SLC24A2: variants seen among roughly 807,000 people sequenced by gnomAD.
SLC24A2 encodes solute carrier family 24 member 2.
SLC24A2 carries 36 observed loss-of-function variants against 62.0 expected under a neutral mutation model. That is an observed-to-expected ratio of 0.58 (90% confidence interval 0.44 to 0.77). The LOEUF is 0.77. Ranked by LOEUF, SLC24A2 falls within the 30% of genes least tolerant of loss-of-function variation. SLC24A2 has a pLI of 0.00. For synonymous variants in SLC24A2, 358 were observed against 294.0 expected (o/e 1.22, Z -2.23); for missense variants, 846 against 817.9 (o/e 1.03, Z -0.42).
At chr9:19,521,872 T>A (rs1833217770) in intron 9 of SLC24A2, among the ~76,000 whole-genome samples, 1 of 150,488 alleles carries the variant, frequency 6.6e-6, no homozygotes, top group Non-Finnish European at 1.5e-5. Context: ...TTCTTTTTTT[T>A]TCTTTTTTTT....
chr9:20,051,027 A>C, the SLC24A2 span, among the ~76,000 whole-genome samples: 1 of 152,192 alleles, frequency 6.6e-6, no homozygotes, highest in Non-Finnish European at 1.5e-5. Flanking sequence ...TGGTAGATCT[A>C]AGCCCAAATA....
At chr9:19,550,040 C>T in intron 8 of SLC24A2, 97 bp downstream of exon 8, 5 of 1,264,114 alleles carry the variant, frequency 4.0e-6, no homozygotes, top group Non-Finnish European at 5.8e-6. Flanking sequence ...TACAAGTGTA[C>T]TTCCTTTTTC....
chr9:19,698,843 C>A (rs1012053223), intron 2 of SLC24A2, among the ~76,000 whole-genome samples: 1 of 152,202 alleles, frequency 6.6e-6, no homozygotes, highest in African/African-American at 2.4e-5. Flanking sequence ...TGTACCACTG[C>A]TCTAGCACTT....
At chr9:19,680,883 G>GTGTGTGTGTGTGTGTGTGTGTT (rs1368716991) in intron 2 of SLC24A2, among the ~76,000 whole-genome samples, 2 of 147,588 alleles carry the variant, frequency 1.4e-5, no homozygotes, top group East Asian at 3.9e-4. Flanking sequence ...GTGTGTGTGT[G>GTGTGTGTGTGTGTGTGTGTGTT]TGTCACAATG....
chr9:20,167,502 G>C, the SLC24A2 span, among the ~76,000 whole-genome samples: 1 of 151,904 alleles, frequency 6.6e-6, no homozygotes, highest in Non-Finnish European at 1.5e-5. Flanking sequence ...GATATAGGTA[G>C]GCAGATAAAG....
the SLC24A2 span, among the ~76,000 whole-genome samples, chr9:20,160,066 T>C: frequency 6.6e-6 from 1 of 151,214 alleles, no homozygotes; most frequent in Non-Finnish European, 1.5e-5. Context: ...AAAACAGTAA[T>C]TCATAAAGGG....
chr9:20,080,796 C>T, the SLC24A2 span, among the ~76,000 whole-genome samples: 1 of 152,012 alleles, frequency 6.6e-6, no homozygotes, highest in African/African-American at 2.4e-5. Context: ...AAACAAACAA[C>T]CCCATCAAAA....
intron 2 of SLC24A2, among the ~76,000 whole-genome samples, chr9:19,676,882 A>G (rs1010911794): frequency 2.6e-5 from 4 of 152,248 alleles, no homozygotes; most frequent in Non-Finnish European, 5.9e-5. Flanking sequence ...TCAAAGAGAT[A>G]CCATCTCACA....
At chr9:20,220,366 A>G in the SLC24A2 span, among the ~76,000 whole-genome samples, 3 of 152,074 alleles carry the variant, frequency 2.0e-5, no homozygotes, top group Admixed American at 6.6e-5. Context: ...CCCCGTGCTG[A>G]CTCCAAACAG....
chr9:19,993,819 T>C, the SLC24A2 span, among the ~76,000 whole-genome samples: 1 of 152,190 alleles, frequency 6.6e-6, no homozygotes, highest in Non-Finnish European at 1.5e-5. Context: ...TTACCACTAG[T>C]AACAGAGCCT....
chr9:20,199,027 G>A, the SLC24A2 span, among the ~76,000 whole-genome samples: 1 of 152,204 alleles, frequency 6.6e-6, no homozygotes, highest in Non-Finnish European at 1.5e-5. Flanking sequence ...AAAAGAAACA[G>A]AAGGTAGACT....
chr9:19,910,820 G>C, the SLC24A2 span, among the ~76,000 whole-genome samples: 1 of 151,702 alleles, frequency 6.6e-6, no homozygotes, highest in South Asian at 2.1e-4. Flanking sequence ...TCCTCTATGC[G>C]TCCATAGTAG....
intron 8 of SLC24A2, among the ~76,000 whole-genome samples, chr9:19,536,267 T>C (rs1328200454): frequency 1.3e-5 from 2 of 151,128 alleles, no homozygotes; most frequent in African/African-American, 4.9e-5. Context: ...TAGTTACATA[T>C]GTATACATGT....
chr9:19,813,117 T>C, the SLC24A2 span, among the ~76,000 whole-genome samples: 1 of 152,142 alleles, frequency 6.6e-6, no homozygotes, highest in Non-Finnish European at 1.5e-5. Flanking sequence ...CTCAGAGTTT[T>C]TGGCCCAGGA....
At chr9:19,827,618 C>A in the SLC24A2 span, among the ~76,000 whole-genome samples, 4 of 151,992 alleles carry the variant, frequency 2.6e-5, no homozygotes, top group East Asian at 7.7e-4. Context: ...TTTAATGTGG[C>A]ATCTCTGTGT....
At chr9:19,614,791 G>T (rs1587040178) in intron 4 of SLC24A2, among the ~76,000 whole-genome samples, 2 of 152,160 alleles carry the variant, frequency 1.3e-5, no homozygotes, top group South Asian at 4.2e-4. Context: ...AGGGGACCCA[G>T]TTGAGCCCAG....
At chr9:19,628,880 A>G (rs1303457853) in intron 2 of SLC24A2, among the ~76,000 whole-genome samples, 1 of 152,226 alleles carries the variant, frequency 6.6e-6, no homozygotes, top group African/African-American at 2.4e-5. Context: ...GTGTTGGGCT[A>G]CATTCAAAGC....
At chr9:19,928,551 C>G in the SLC24A2 span, 1 of 152,136 alleles carries the variant, frequency 6.6e-6, no homozygotes, top group Admixed American at 6.5e-5. Flanking sequence ...CCTGTCTAGC[C>G]CAACGTTTTT....
the SLC24A2 span, among the ~76,000 whole-genome samples, chr9:19,872,871 A>G: frequency 6.6e-6 from 1 of 152,138 alleles, no homozygotes; most frequent in Non-Finnish European, 1.5e-5. Flanking sequence ...AGAAGAATCA[A>G]GTTTCCAGAG....
Sources: gnomAD v4.1 joint callset for allele counts (sites outside exome capture counted in the v4.1 genomes callset) on GRCh38, gnomAD v4.1.1 for gene constraint, MANE v1.5 for transcripts, NCBI Gene and HGNC (gene_info 2026-07-23, HGNC 2026-07-21) for gene names.